INSRR: variants seen among roughly 807,000 people sequenced by gnomAD.
The protein encoded by INSRR is insulin receptor-related protein.
A neutral mutation model predicts 130.0 loss-of-function variants in INSRR; 114 were observed. The observed-to-expected ratio is 0.88, with a 90% CI of 0.75 to 1.02. The LOEUF (loss-of-function observed/expected upper bound fraction) is 1.02, where lower values mean the gene tolerates loss of function less well. INSRR is among the 50% of genes least tolerant of loss of function. The probability of loss-of-function intolerance (pLI) is 0.00; values close to 1 mark genes in which losing one functional copy is unlikely to be tolerated. For synonymous variants in INSRR, 674 were observed against 705.2 expected, an observed-to-expected ratio of 0.96 and a Z score of 0.70; for missense variants, 1,657 against 1,735.2, an observed-to-expected ratio of 0.95 and a Z score of 0.80.
rs763040527 is a variant in INSRR, at chr1:156,844,688, G to A, written c.2574+19C>T. ...TAGGCACAAAACGGGGCTGGGACGG[G>A]GGTCCCACGGGCACCTACCTCTCCC... On this transcript the variant is annotated intron_variant, in intron 13 of 21. Coordinates refer to ENST00000368195, the MANE Select transcript of INSRR (RefSeq NM_014215.3). 2.7e-5 allele frequency: 44 copies of A among 1,614,062 alleles called. No individual in the cohort carries two copies. The South Asian group carries it at 3.7e-4, about 14-fold the overall frequency.
chr1:156,847,676 T>G (rs1200850184), intron 7 of INSRR, among the ~76,000 whole-genome samples: 12 of 140,802 alleles, frequency 8.5e-5, no homozygotes, highest in South Asian at 2.4e-4. Context: ...GTTGGGGGGG[T>G]GGGGGCTCAT....
rs1303152402 is a variant in INSRR at position 156,852,025 on chromosome 1, C to A, written c.804G>T (p.Gln268His). The A allele has an allele frequency of 1.2e-6, 2 of 1,613,498 alleles. No homozygotes were observed. The highest frequency in any genetic ancestry group is 2.2e-5 in the East Asian group (1 of 44,872). The change falls in exon 3 of 22, where the codon CAG (glutamine) becomes CAT (histidine). Residue 268 changes from glutamine to histidine, a missense_variant. By Grantham distance (24) the Gln-to-His change is conservative (BLOSUM62 0). Transcript: ENST00000368195. ...CTGTGACACAGCGCCAGGACTCATACTGGTAGGTGCCTGGCGGGCAGGCCC... is the reference window on the plus strand; with the variant it reads ...CTGTGACACAGCGCCAGGACTCATAATGGTAGGTGCCTGGCGGGCAGGCCC... Reference protein sequence around the residue: ...CLWACPPGTYQYESWRCVTAE... With the variant: ...CLWACPPGTYHYESWRCVTAE...
intron 5 of INSRR, among the ~76,000 whole-genome samples, chr1:156,850,092 G>A (rs901825168): frequency 2.0e-5 from 3 of 152,118 alleles, no homozygotes; most frequent in Admixed American, 1.3e-4. Context: ...TATAGAGACA[G>A]AGTTTCACCA....
In INSRR at chr1:156,843,250, GGTC is replaced by G. The variant is rs779352173; in HGVS notation, c.2897-20_2897-18del. On this transcript the variant is annotated intron_variant, in intron 16 of 21. Transcript: ENST00000368195. ...GGACATACACTGCAAGGAGGTGGAG[GGTC>G]ACAAAGCGAGGATGCTGCTCTCTGC... 1 of 1,610,702 alleles carries G rather than the reference GGTC, an allele frequency of 6.2e-7. No homozygotes were observed. Among genetic ancestry groups the G allele is most frequent in the East Asian group, 2.2e-5 (1 of 44,848 alleles).
intron 5 of INSRR, among the ~76,000 whole-genome samples, chr1:156,850,443 C>T (rs892742872): frequency 2.0e-5 from 3 of 151,510 alleles, no homozygotes; most frequent in East Asian, 1.9e-4. Context: ...AACTCCTGAC[C>T]GCATGGTGAT....
In INSRR at chr1:156,852,192, C is replaced by T. The variant is rs1236286108; in HGVS notation, c.638-1G>A. The T allele has an allele frequency of 1.9e-6, 3 of 1,587,940 alleles. No individual in the cohort carries two copies. Among genetic ancestry groups the T allele is most frequent in the South Asian group, 2.3e-5 (2 of 86,798 alleles). On this transcript the variant is annotated splice_acceptor_variant, in intron 2 of 21. Transcript: ENST00000368195. LOFTEE classifies it high-confidence loss of function. Reference sequence around the variant, plus strand: ...GCCATCCCATGGGGGCAGGGGCACACTGTGGGGAGAGTGGTGTGTTAGACG... The same window carrying T: ...GCCATCCCATGGGGGCAGGGGCACATTGTGGGGAGAGTGGTGTGTTAGACG...
rs1021229102 is a variant in INSRR, at chr1:156,854,595, G to A, written c.86-292C>T. 1.2e-4 allele frequency among the ~76,000 whole-genome samples: 19 copies of A among 152,160 alleles called. No homozygotes were observed. Among genetic ancestry groups the A allele is most frequent in the African/African-American group, 4.1e-4 (17 of 41,512 alleles). ...TCATTCTTGCAGTCAGGCTCCCAAC[G>A]ACTGCAAGCGACTCCCAGCGACTTC... On this transcript the variant is annotated intron_variant, in intron 1 of 21. Transcript: ENST00000368195. This position sits in a 1 kb window ranked among gnomAD's most constrained non-coding sequence, Gnocchi z 4.2.
intron 21 of INSRR, 96 bp downstream of exon 21, chr1:156,841,298 C>A: frequency 3.6e-6 from 4 of 1,099,016 alleles, no homozygotes; most frequent in Non-Finnish European, 5.3e-6. Flanking sequence ...CAGTGGATGT[C>A]AAAGCATCAG....
intron 8 of INSRR, 130 bp from the exon 9 acceptor site, chr1:156,846,249 T>C (rs1655004053): frequency 3.0e-6 from 3 of 996,198 alleles, no homozygotes; most frequent in Non-Finnish European, 4.3e-6. Flanking sequence ...CACCCCTGGC[T>C]TCCTAGAACT....
At chr1:156,849,513 G>GC in intron 5 of INSRR, 53 bp from the exon 6 acceptor site, 89 of 486,068 alleles carry the variant, frequency 1.8e-4, no homozygotes, top group Middle Eastern at 1.1e-3. Flanking sequence ...CAGGGGGTGG[G>GC]AAAGGGGATG....
intron 12 of INSRR, 49 bp downstream of exon 12, chr1:156,845,027 T>C (rs1006283833): frequency 2.6e-6 from 4 of 1,561,982 alleles, no homozygotes; most frequent in African/African-American, 2.7e-5. Flanking sequence ...TTGCACAGGG[T>C]CCTTGGGGTC....
chr1:156,857,013 C>G, intron 1 of INSRR, among the ~76,000 whole-genome samples: 1 of 152,084 alleles, frequency 6.6e-6, no homozygotes, highest in Non-Finnish European at 1.5e-5. Context: ...ATCACAAACA[C>G]CACATGCCAC....
Position 156,844,786 on chromosome 1 carries a change from A to G in INSRR, c.2495T>C (p.Val832Ala). The change falls in exon 13 of 22, where the codon GTC becomes GCC. Residue 832 changes from valine (V) to alanine (A), a missense_variant. Physicochemically the swap from Val to Ala is moderately conservative, Grantham distance 64. Coordinates refer to ENST00000368195, the MANE Select transcript of INSRR (RefSeq NM_014215.3). ...VAWEASSKNS[V>A]LLRWLEPPDP... ...TGGTGGCTCGAGCCAGCGCAGAAGGACACTGTTCTTGCTGGAGGCCTCCCA... is the reference window on the plus strand; with the variant it reads ...TGGTGGCTCGAGCCAGCGCAGAAGGGCACTGTTCTTGCTGGAGGCCTCCCA... 6.2e-7 allele frequency: 1 copy of G among 1,614,076 alleles called. No individual in the cohort carries two copies. Among genetic ancestry groups the G allele is most frequent in the Non-Finnish European group, 8.5e-7 (1 of 1,180,008 alleles).
intron 17 of INSRR, 107 bp from the exon 18 acceptor site, chr1:156,842,615 C>T: frequency 1.3e-6 from 1 of 768,380 alleles, no homozygotes; most frequent in Non-Finnish European, 2.3e-6. Context: ...AAACCTGACC[C>T]TAACCCCAAC....
intron 8 of INSRR, 99 bp from the exon 9 acceptor site, chr1:156,846,218 TC>T: frequency 7.9e-7 from 1 of 1,258,672 alleles, no homozygotes; most frequent in Non-Finnish European, 1.1e-6. Flanking sequence ...AGCCTTGTTC[TC>T]CCAAAGAATA....
At chr1:156,844,664 A>G in intron 13 of INSRR, 40 bp from the exon 14 acceptor site, 1 of 1,613,916 alleles carries the variant, frequency 6.2e-7, no homozygotes, top group Non-Finnish European at 8.5e-7. Context: ...AAGGCGATGT[A>G]GGCACAAAAC....
In INSRR at chr1:156,852,175, AT is replaced by A. The variant is rs1234470165; in HGVS notation, c.653del (p.His218LeufsTer30). ...CGCCCCTCGCTGTGCAAGCCATCCC[AT>A]GGGGGCAGGGGCACACTGTGGGGAG... ...SHCQRVCPCP[H>X]GMACTARGEC... is the part of the protein sequence containing the mutation. On this transcript the variant is annotated frameshift_variant, in exon 3 of 22. Coordinates refer to ENST00000368195, the MANE Select transcript of INSRR (RefSeq NM_014215.3). LOFTEE classifies it high-confidence loss of function. 1 of 1,601,846 alleles carries A rather than the reference AT, an allele frequency of 6.2e-7. No individual in the cohort carries two copies. The highest frequency in any genetic ancestry group is 8.5e-7 in the Non-Finnish European group (1 of 1,172,724).
Position 156,844,627 on chromosome 1 carries a change from G to T in INSRR, c.2575-3C>A, listed in dbSNP as rs1212811327. 1.2e-6 allele frequency: 2 copies of T among 1,614,040 alleles called. No individual in the cohort carries two copies. Among genetic ancestry groups the T allele is most frequent in the Non-Finnish European group, 1.7e-6 (2 of 1,180,016 alleles). On this transcript the variant is annotated splice_polypyrimidine_tract_variant and splice_region_variant and intron_variant, in intron 13 of 21. Transcript: ENST00000368195. ...GACACACACAGCACTGTGGCCTCCTGAGAGTAACGCAGAACAGCTGGCTGG... is the reference window on the plus strand; with the variant it reads ...GACACACACAGCACTGTGGCCTCCTTAGAGTAACGCAGAACAGCTGGCTGG...
chr1:156,841,233 T>C, intron 21 of INSRR, 129 bp from the exon 22 acceptor site: 1 of 956,254 alleles, frequency 1.0e-6, no homozygotes, highest in Non-Finnish European at 1.6e-6. Context: ...TGAGAAGGGA[T>C]TAAATGGGAG....
Sources: allele counts gnomAD v4.1 joint callset (sites outside exome capture counted in the v4.1 genomes callset), GRCh38; gene constraint gnomAD v4.1.1; non-coding constraint Gnocchi (gnomAD v3.1); transcripts MANE v1.5; gene names NCBI Gene and HGNC (gene_info 2026-07-23, HGNC 2026-07-21).